Variants in PDE4D observed in about 807,000 individuals in gnomAD.
The protein encoded by PDE4D is 3',5'-cyclic-AMP phosphodiesterase 4D.
PDE4D carries 24 observed loss-of-function variants against 87.4 expected under a neutral mutation model. The observed-to-expected ratio is 0.27, with a 90% confidence interval of 0.20 to 0.39. PDE4D has a LOEUF of 0.39. PDE4D is among the 10% of genes least tolerant of loss of function. The probability of loss-of-function intolerance (pLI) is 1.00; values close to 1 mark genes in which losing one functional copy is unlikely to be tolerated. For missense variants in PDE4D, 714 were observed against 1,041.0 expected, an observed-to-expected ratio of 0.69 and a Z score of 4.32; for synonymous variants, 384 against 383.2, an observed-to-expected ratio of 1.00 and a Z score of -0.02.
At chr5:59,964,794 G>T (rs774341241) in intron 3 of PDE4D, among the ~76,000 whole-genome samples, 12 of 151,950 alleles carry the variant, frequency 7.9e-5, no homozygotes, top group Admixed American at 2.0e-4. Flanking sequence ...AGGCAAATTT[G>T]ATTTAACCCC....
At position 59,550,942 on chromosome 5, in the gene PDE4D, T is replaced by C. The variant is rs372461033; in HGVS notation, c.456-334974A>G. 3.3e-5 allele frequency among the ~76,000 whole-genome samples: 5 copies of C among 152,134 alleles called. 1 individual carries two copies. Among genetic ancestry groups the C allele is most frequent in the African/African-American group, 1.2e-4 (5 of 41,540 alleles). ...CAAACTCCTGACCTCGTGATCCACC[T>C]GCCCCAGCCTCCCAAAGTGCTGGGA... On this transcript the variant is annotated intron_variant, in intron 1 of 14. Coordinates refer to ENST00000340635, the MANE Select transcript of PDE4D (RefSeq NM_001104631.2).
chr5:59,562,496 AT>A (rs1168186325), intron 1 of PDE4D, among the ~76,000 whole-genome samples: 1 of 152,210 alleles, frequency 6.6e-6, no homozygotes, highest in African/African-American at 2.4e-5. Context: ...ACCCTTTCAA[AT>A]TGCATGAAAA....
intron 1 of PDE4D, among the ~76,000 whole-genome samples, chr5:59,472,539 T>C (rs554169018): frequency 4.6e-5 from 7 of 152,294 alleles, no homozygotes; most frequent in Non-Finnish European, 8.8e-5. Context: ...ATGTCATTCA[T>C]CTCCTGCGAA....
chr5:59,620,640 T>C (rs1830243444), intron 1 of PDE4D, among the ~76,000 whole-genome samples: 1 of 152,122 alleles, frequency 6.6e-6, no homozygotes, highest in Non-Finnish European at 1.5e-5. Flanking sequence ...GGTGATTTGG[T>C]GGCTATAAAA....
At chr5:60,089,608 A>C (rs1774893588) in intron 2 of PDE4D, among the ~76,000 whole-genome samples, 1 of 152,004 alleles carries the variant, frequency 6.6e-6, no homozygotes, top group South Asian at 2.1e-4. Context: ...CTTCAAACAA[A>C]CAACCTAACA....
At chr5:59,629,895 G>C (rs1014918393) in intron 1 of PDE4D, among the ~76,000 whole-genome samples, 4 of 151,970 alleles carry the variant, frequency 2.6e-5, no homozygotes, top group Non-Finnish European at 4.4e-5. Context: ...CATGATCCCT[G>C]GGTCTCAGTG....
intron 1 of PDE4D, among the ~76,000 whole-genome samples, chr5:59,796,754 T>C (rs975871279): frequency 2.6e-5 from 4 of 152,242 alleles, no homozygotes; most frequent in East Asian, 1.9e-4. Flanking sequence ...AGCTCTCTTA[T>C]TCAGCAGTAT....
chr5:59,342,207 G>A (rs1210808227), intron 1 of PDE4D, among the ~76,000 whole-genome samples: 1 of 152,096 alleles, frequency 6.6e-6, no homozygotes, highest in African/African-American at 2.4e-5. Flanking sequence ...ATCTTTGAAG[G>A]TCTTAACGGA....
chr5:59,534,915 T>A (rs1814878830), intron 1 of PDE4D, among the ~76,000 whole-genome samples: 2 of 152,128 alleles, frequency 1.3e-5, no homozygotes, highest in Admixed American at 6.6e-5. Flanking sequence ...CAGGTTTGAA[T>A]GTGATGGCTG....
Position 60,433,974 on chromosome 5 carries a change from T to C in PDE4D, c.-90+53968A>G, listed in dbSNP as rs553491095. Among the ~76,000 whole-genome samples, 7 of 152,224 alleles carry C rather than the reference T, an allele frequency of 4.6e-5. No individual in the cohort carries two copies. The South Asian group carries it at 1.5e-3, about 32-fold the overall frequency. On this transcript the variant is annotated intron_variant, in intron 1 of 16. Coordinates refer to the PDE4D transcript ENST00000502484. ...TCAGAAGACTACATATTGGGTACTATGCTCATTACCTGGGTGACGAAATAA... is the reference window on the plus strand; with the variant it reads ...TCAGAAGACTACATATTGGGTACTACGCTCATTACCTGGGTGACGAAATAA...
At chr5:59,727,806 C>A (rs1756820401) in intron 1 of PDE4D, among the ~76,000 whole-genome samples, 1 of 152,156 alleles carries the variant, frequency 6.6e-6, no homozygotes, top group Non-Finnish European at 1.5e-5. Flanking sequence ...AATTTGAATT[C>A]TCTTTCTCTC....
chr5:60,352,612 T>A (rs941764363), intron 1 of PDE4D, among the ~76,000 whole-genome samples: 2 of 152,224 alleles, frequency 1.3e-5, no homozygotes, highest in Non-Finnish European at 1.5e-5. Context: ...AATCTCTAGT[T>A]TGAATGACAG....
At chr5:59,253,795 G>C (rs1397722498) in intron 1 of PDE4D, among the ~76,000 whole-genome samples, 1 of 151,954 alleles carries the variant, frequency 6.6e-6, no homozygotes, top group Admixed American at 6.6e-5. Context: ...CCTCCAGCTG[G>C]AAATCAAGCC....
intron 1 of PDE4D, among the ~76,000 whole-genome samples, chr5:60,445,798 T>C (rs765408495): frequency 6.6e-6 from 1 of 152,180 alleles, no homozygotes; most frequent in Non-Finnish European, 1.5e-5. Context: ...TCATGTTAAA[T>C]GTTCTTACCA....
At chr5:60,430,858 G>A (rs998714118) in intron 1 of PDE4D, 4 of 242,426 alleles carry the variant, frequency 1.6e-5, no homozygotes, top group South Asian at 3.9e-5. Context: ...CAGGGTTGGG[G>A]GTAAGGTCAC....
chr5:60,169,930 T>C (rs1326434483), intron 2 of PDE4D, among the ~76,000 whole-genome samples: 1 of 152,040 alleles, frequency 6.6e-6, no homozygotes, highest in Non-Finnish European at 1.5e-5. Flanking sequence ...TAGTTTGCAT[T>C]ATCGACATGA....
chr5:60,114,096 T>A (rs1452463156), intron 2 of PDE4D, among the ~76,000 whole-genome samples: 2 of 152,148 alleles, frequency 1.3e-5, no homozygotes, highest in Non-Finnish European at 2.9e-5. Flanking sequence ...CCTATGTGGA[T>A]AATAAAGTTG....
intron 2 of PDE4D, among the ~76,000 whole-genome samples, chr5:60,183,524 G>A (rs1434401462): frequency 2.0e-5 from 3 of 152,172 alleles, no homozygotes; most frequent in Non-Finnish European, 4.4e-5. Flanking sequence ...ACTAAGTAAG[G>A]TGATCGTTTA....
chr5:60,487,186 A>G (rs2150228886), intron 1 of PDE4D, among the ~76,000 whole-genome samples: 1 of 152,328 alleles, frequency 6.6e-6, no homozygotes, highest in Non-Finnish European at 1.5e-5. Flanking sequence ...GTTACCCCCC[A>G]GCAATCATAC....
Sources: gnomAD v4.1 joint callset for allele counts (sites outside exome capture counted in the v4.1 genomes callset) on GRCh38, gnomAD v4.1.1 for gene constraint, MANE v1.5 for transcripts, NCBI Gene and HGNC (gene_info 2026-07-23, HGNC 2026-07-21) for gene names.